CORIN: variants seen among roughly 807,000 people sequenced by gnomAD.
CORIN encodes corin, serine peptidase, also known as atrial natriuretic peptide-converting enzyme.
In CORIN, 117 loss-of-function variants were observed where a neutral mutation model predicts 125.3. That is an observed-to-expected ratio of 0.93 (90% CI 0.80 to 1.09). The LOEUF (loss-of-function observed/expected upper bound fraction) is 1.09. Among genes scored for constraint, CORIN ranks in the 50% least tolerant of loss-of-function variants. The probability of loss-of-function intolerance (pLI) is 0.00; values close to 1 mark genes in which losing one functional copy is unlikely to be tolerated. For missense variants in CORIN, 1,253 were observed against 1,306.7 expected, an observed-to-expected ratio of 0.96 and a Z score of 0.63; for synonymous variants, 450 against 466.4, an observed-to-expected ratio of 0.96 and a Z score of 0.45.
At chr4:47,823,059 C>T (rs1338196411) in intron 1 of CORIN, among the ~76,000 whole-genome samples, 7 of 152,104 alleles carry the variant, frequency 4.6e-5, no homozygotes, top group East Asian at 1.9e-4. Context: ...ATGATCTGTC[C>T]GCCTCGGCCT....
chr4:47,622,817 C>T (rs886865587), intron 19 of CORIN, among the ~76,000 whole-genome samples: 3 of 152,106 alleles, frequency 2.0e-5, no homozygotes, highest in Non-Finnish European at 4.4e-5. Flanking sequence ...CACCAAGCCT[C>T]CAGAATCACA....
chr4:47,791,575 T>C (rs1401083114), intron 2 of CORIN, among the ~76,000 whole-genome samples: 2 of 152,178 alleles, frequency 1.3e-5, no homozygotes, highest in African/African-American at 2.4e-5. Context: ...TAATTAATCG[T>C]TTGACAGAGT....
chr4:47,691,590 T>G (rs983119436), intron 6 of CORIN, among the ~76,000 whole-genome samples: 1 of 152,114 alleles, frequency 6.6e-6, no homozygotes, highest in Non-Finnish European at 1.5e-5. Flanking sequence ...TAAATAAAGG[T>G]GAAGATTCAC....
chr4:47,821,652 C>T (rs1419363191), intron 1 of CORIN, among the ~76,000 whole-genome samples: 3 of 151,892 alleles, frequency 2.0e-5, no homozygotes, highest in Admixed American at 6.6e-5. Context: ...TTTGTTTTGA[C>T]GTCTTTCCAC....
chr4:47,775,488 G>T (rs577429903), intron 3 of CORIN, among the ~76,000 whole-genome samples: 2 of 152,088 alleles, frequency 1.3e-5, no homozygotes, highest in Non-Finnish European at 2.9e-5. Context: ...CTGTCCTTGC[G>T]ATAGTTTGCT....
At chr4:47,807,693 TC>T (rs1242995575) in intron 1 of CORIN, among the ~76,000 whole-genome samples, 1 of 152,206 alleles carries the variant, frequency 6.6e-6, no homozygotes, top group Non-Finnish European at 1.5e-5. Flanking sequence ...TGAGAGGATG[TC>T]AAAGTGCAAC....
At chr4:47,737,706 G>C (rs1728196116) in intron 5 of CORIN, among the ~76,000 whole-genome samples, 1 of 152,132 alleles carries the variant, frequency 6.6e-6, no homozygotes, top group African/African-American at 2.4e-5. Context: ...GTTACTATTT[G>C]CAGAAAACTC....
chr4:47,697,480 G>A (rs536045200), intron 5 of CORIN, among the ~76,000 whole-genome samples: 42 of 152,262 alleles, frequency 2.8e-4, no homozygotes, highest in Middle Eastern at 3.4e-3. Context: ...TTGGAAGGCC[G>A]AGGCGGGCAG....
chr4:47,721,274 C>CT (rs1242563708), intron 5 of CORIN, among the ~76,000 whole-genome samples: 229 of 143,506 alleles, frequency 1.6e-3, no homozygotes, highest in East Asian at 2.8e-3. Context: ...CTCATTTTTT[C>CT]TTTTTTTTTT....
intron 13 of CORIN, among the ~76,000 whole-genome samples, chr4:47,645,946 T>C (rs1202710763): frequency 1.3e-5 from 2 of 151,632 alleles, no homozygotes; most frequent in Non-Finnish European, 2.9e-5. Flanking sequence ...TTCTCATGTA[T>C]TTTCTATTCT....
chr4:47,629,799 A>ATGTTTTCTATATGAC (rs1722734408), intron 16 of CORIN, among the ~76,000 whole-genome samples: 1 of 152,176 alleles, frequency 6.6e-6, no homozygotes, highest in South Asian at 2.1e-4. Context: ...ACAAGCACTA[A>ATGTTTTCTATATGAC]AAGACTAACT....
chr4:47,639,698 C>G (rs1723163690), intron 16 of CORIN, among the ~76,000 whole-genome samples: 1 of 152,184 alleles, frequency 6.6e-6, no homozygotes. Flanking sequence ...GAGGAAATGA[C>G]TCAAAGGTGC....
intron 5 of CORIN, among the ~76,000 whole-genome samples, chr4:47,732,810 T>A (rs1727942808): frequency 6.6e-6 from 1 of 152,042 alleles, no homozygotes; most frequent in Admixed American, 6.6e-5. Context: ...TGATCCACCA[T>A]CCTTGGCCTC....
At chr4:47,629,130 T>C (rs1722704580) in intron 16 of CORIN, among the ~76,000 whole-genome samples, 1 of 152,202 alleles carries the variant, frequency 6.6e-6, no homozygotes, top group Non-Finnish European at 1.5e-5. Flanking sequence ...CTGTTTTTCA[T>C]AAGTACTGTA....
chr4:47,721,580 C>T (rs1341604471), intron 5 of CORIN, among the ~76,000 whole-genome samples: 2 of 152,184 alleles, frequency 1.3e-5, no homozygotes, highest in Non-Finnish European at 2.9e-5. Flanking sequence ...ATAACCTCAT[C>T]TAAACCTAAT....
At position 47,599,698 on chromosome 4, in the gene CORIN, G is replaced by T. The variant is rs78860216; in HGVS notation, c.2946+516C>A. ...TTCAGTGACATTTGAGGACATGCTG[G>T]CAATCAAGTGAGGGCCCAGACAACA... On this transcript the variant is annotated intron_variant, in intron 21 of 21. Coordinates refer to ENST00000273857, the MANE Select transcript of CORIN (RefSeq NM_006587.4). 6.5e-3 allele frequency among the ~76,000 whole-genome samples: 986 copies of T among 152,258 alleles called. 27 individuals carry two copies. The East Asian group carries it at 0.083, about 13-fold the overall frequency.
rs934705244 is a variant in CORIN, at chr4:47,600,473, C to T, written c.2813-126G>A. On this transcript the variant is annotated intron_variant, in intron 20 of 21. Coordinates refer to ENST00000273857, the MANE Select transcript of CORIN (RefSeq NM_006587.4). ...ATTTTTATACCAAGAGAGGCATATT[C>T]TTTACTTGAAATGCCATTTTAAAGA... 31 of 628,732 alleles carry T rather than the reference C, an allele frequency of 4.9e-5. No individual in the cohort carries two copies. In the Admixed American group the frequency reaches 5.7e-4, roughly 12 times the overall value. 38.9% of individuals were successfully genotyped at this position (628,732 alleles called of 1,614,324 possible).
Position 47,645,276 on chromosome 4 carries a change from CTATAAAG to C in CORIN, c.1844-89_1844-83del, listed in dbSNP as rs567081833. The C allele has an allele frequency of 3.7e-4, 327 of 887,336 alleles. 1 individual carries two copies. In the Middle Eastern group the frequency reaches 6.5e-3, roughly 18 times the overall value. 55.0% of individuals were successfully genotyped at this position (887,336 alleles called of 1,614,324 possible). A position where few individuals can be genotyped will look rare whatever the true frequency, so the allele number is the denominator to read the frequency against. Reference sequence around the variant, plus strand: ...ATTCAATCAATGTAGAAAAATTACGCTATAAAGGCATGATGTTGGCAGGGCGCAGTGG... The same window carrying C: ...ATTCAATCAATGTAGAAAAATTACGCGCATGATGTTGGCAGGGCGCAGTGG... On this transcript the variant is annotated intron_variant, in intron 13 of 21. Coordinates refer to ENST00000273857, the MANE Select transcript of CORIN (RefSeq NM_006587.4).
intron 11 of CORIN, among the ~76,000 whole-genome samples, chr4:47,663,157 C>T (rs1724326532): frequency 6.6e-6 from 1 of 152,072 alleles, no homozygotes; most frequent in Non-Finnish European, 1.5e-5. Context: ...TATGCAGCAC[C>T]ACAAGTCCAG....
Sources: gnomAD v4.1 joint callset for allele counts (sites outside exome capture counted in the v4.1 genomes callset) on GRCh38, gnomAD v4.1.1 for gene constraint, MANE v1.5 for transcripts, NCBI Gene and HGNC (gene_info 2026-07-23, HGNC 2026-07-21) for gene names.